KIRREL3: variants seen among roughly 807,000 people sequenced by gnomAD.
KIRREL3 encodes the protein kin of IRRE-like protein 3.
In KIRREL3, 36 loss-of-function variants were observed where a neutral mutation model predicts 89.7. That is an observed-to-expected ratio of 0.40 (90% CI 0.31 to 0.53). The LOEUF is 0.53. KIRREL3 is among the 20% of genes least tolerant of loss of function. KIRREL3 has a pLI of 0.49. For synonymous variants in KIRREL3, 445 were observed against 441.4 expected, an observed-to-expected ratio of 1.01 and a Z score of -0.10; for missense variants, 864 against 1,056.6, an observed-to-expected ratio of 0.82 and a Z score of 2.53.
rs937436918 is a variant in KIRREL3 at position 126,441,909 on chromosome 11, G to C, written c.1253-1360C>G. Among the ~76,000 whole-genome samples the C allele has an allele frequency of 2.6e-5, 4 of 152,162 alleles. No homozygotes were observed. Among genetic ancestry groups the C allele is most frequent in the Non-Finnish European group, 4.4e-5 (3 of 68,022 alleles). ...CAACAGGTCTAGGACCCAAAGAGAT[G>C]AGGAGATTGATGTTTTAGGAACCGG... On this transcript the variant is annotated intron_variant, in intron 10 of 16. Transcript: ENST00000525144. The surrounding 1 kb of genome is among the most constrained non-coding windows in gnomAD (Gnocchi z 5.0).
chr11:126,822,030 G>T (rs1565327079), intron 1 of KIRREL3, among the ~76,000 whole-genome samples: 1 of 152,166 alleles, frequency 6.6e-6, no homozygotes, highest in Non-Finnish European at 1.5e-5. Context: ...CCCATTTGTG[G>T]TGAGTTGTTA....
At chr11:126,517,757 G>A (rs773918353) in intron 4 of KIRREL3, among the ~76,000 whole-genome samples, 7 of 152,176 alleles carry the variant, frequency 4.6e-5, no homozygotes, top group Admixed American at 3.9e-4. Flanking sequence ...TTTTGGGAGC[G>A]AGACAGTTCT....
rs1337809325 is a variant in KIRREL3, at chr11:126,705,677, T to C, written c.56-142765A>G. On this transcript the variant is annotated intron_variant, in intron 1 of 16. Coordinates refer to ENST00000525144, the MANE Select transcript of KIRREL3 (RefSeq NM_032531.4). The surrounding 1 kb of genome is among the most constrained non-coding windows in gnomAD (Gnocchi z 4.3). The stretch of plus-strand genomic sequence containing the variant: ...CTACGTATGTGCAAGTGTATATGTA[T>C]ATGTAATGTATACCTATGTGTATGT... 2.0e-5 allele frequency among the ~76,000 whole-genome samples: 3 copies of C among 152,204 alleles called. No individual in the cohort carries two copies. The South Asian group carries it at 6.2e-4, about 32-fold the overall frequency.
rs1438468863 is a variant in KIRREL3 at position 126,575,038 on chromosome 11, G to A, written c.56-12126C>T. Among the ~76,000 whole-genome samples the A allele has an allele frequency of 6.6e-6, 1 of 152,182 alleles. No individual in the cohort carries two copies. On this transcript the variant is annotated intron_variant, in intron 1 of 16. Transcript: ENST00000525144. This position sits in a 1 kb window ranked among gnomAD's most constrained non-coding sequence, Gnocchi z 7.0. ...CAGGCTCTGTCAGTCCACAGAGGGTGGTTATGGCAATGTGGAGGAGGCCGG... is the reference window on the plus strand; with the variant it reads ...CAGGCTCTGTCAGTCCACAGAGGGTAGTTATGGCAATGTGGAGGAGGCCGG...
In KIRREL3 at chr11:126,883,226, T is replaced by C. The variant is rs181353924; in HGVS notation, c.55+117229A>G. 5.9e-5 allele frequency among the ~76,000 whole-genome samples: 9 copies of C among 152,270 alleles called. No individual in the cohort carries two copies. The highest frequency in any genetic ancestry group is 1.3e-4 in the Non-Finnish European group (9 of 68,008). On this transcript the variant is annotated intron_variant, in intron 1 of 16. Transcript: ENST00000525144. This position sits in a 1 kb window ranked among gnomAD's most constrained non-coding sequence, Gnocchi z 4.1. Reference sequence around the variant, plus strand: ...AGGATCATCATCTGCTATAGAGAGTTCTTGAGAAGCCAGGAATAGTTAAGA... The same window carrying C: ...AGGATCATCATCTGCTATAGAGAGTCCTTGAGAAGCCAGGAATAGTTAAGA...
intron 4 of KIRREL3, among the ~76,000 whole-genome samples, chr11:126,480,076 C>G (rs1957177796): frequency 6.6e-6 from 1 of 152,200 alleles, no homozygotes; most frequent in African/African-American, 2.4e-5. Context: ...TCCGGATCCC[C>G]ATCTCCCAGC....
At chr11:126,446,204 C>T (rs966620142) in intron 9 of KIRREL3, among the ~76,000 whole-genome samples, 1 of 151,164 alleles carries the variant, frequency 6.6e-6, no homozygotes, top group Admixed American at 6.6e-5. Flanking sequence ...AAGTCCAAGG[C>T]TAACGGTGGC....
intron 8 of KIRREL3, 21 bp downstream of exon 8, chr11:126,448,988 A>C (rs750414296): frequency 6.3e-7 from 1 of 1,586,334 alleles, no homozygotes; most frequent in South Asian, 1.1e-5. Context: ...CGCCTGGGGA[A>C]GCCTGCACCA....
intron 1 of KIRREL3, among the ~76,000 whole-genome samples, chr11:126,799,342 GTGTGTATCTCTGTGTGTATC>G (rs1950933296): frequency 7.3e-6 from 1 of 137,724 alleles, no homozygotes; most frequent in Admixed American, 7.3e-5. Context: ...GTGTGTGCAT[GTGTGTATCTCTGTGTGTATC>G]TGTGTATCTG....
intron 2 of KIRREL3, among the ~76,000 whole-genome samples, chr11:126,542,703 A>T (rs1938465202): frequency 6.6e-6 from 1 of 152,170 alleles, no homozygotes. Flanking sequence ...TTTTGCCTTT[A>T]AAGGACTTTT....
chr11:126,500,785 C>T (rs962147116), intron 4 of KIRREL3, among the ~76,000 whole-genome samples: 2 of 151,512 alleles, frequency 1.3e-5, no homozygotes, highest in African/African-American at 4.9e-5. Context: ...TATATATTTT[C>T]ACTGCATTCT....
chr11:126,678,805 G>A (rs1946320483), intron 1 of KIRREL3, among the ~76,000 whole-genome samples: 2 of 152,112 alleles, frequency 1.3e-5, no homozygotes, highest in African/African-American at 4.8e-5. Flanking sequence ...CACAGAGAGA[G>A]GATATCAGTG....
intron 1 of KIRREL3, among the ~76,000 whole-genome samples, chr11:126,756,882 T>G (rs1370616888): frequency 6.6e-6 from 1 of 152,218 alleles, no homozygotes; most frequent in East Asian, 1.9e-4. Flanking sequence ...TAAGCTGACT[T>G]GGGACAGAAG....
chr11:126,778,625 G>C lies in KIRREL3; in HGVS notation c.56-215713C>G, dbSNP rs535327266. 1.4e-3 allele frequency among the ~76,000 whole-genome samples: 210 copies of C among 152,258 alleles called. 1 individual carries two copies. The highest frequency in any genetic ancestry group is 0.013 in the South Asian group (63 of 4,822). Reference sequence around the variant, plus strand: ...TGAATTTCTAGAATAGAAACTGCTAGAAGAACACAAAAATGCATATGGTAC... The same window carrying C: ...TGAATTTCTAGAATAGAAACTGCTACAAGAACACAAAAATGCATATGGTAC... On this transcript the variant is annotated intron_variant, in intron 1 of 16. Transcript: ENST00000525144. The surrounding 1 kb of genome is among the most constrained non-coding windows in gnomAD (Gnocchi z 4.5).
chr11:126,807,927 G>A lies in KIRREL3; in HGVS notation c.55+192528C>T, dbSNP rs561442132. ...TGTGACTAATATGCCCAAGGCCATG[G>A]GCTGCAACCTTTTTATCTGTATCCC... On this transcript the variant is annotated intron_variant, in intron 1 of 16. Transcript: ENST00000525144. This position sits in a 1 kb window ranked among gnomAD's most constrained non-coding sequence, Gnocchi z 4.3. Among the ~76,000 whole-genome samples, 37 of 152,316 alleles carry A rather than the reference G, an allele frequency of 2.4e-4. No homozygotes were observed. The highest frequency in any genetic ancestry group is 3.4e-3 in the Middle Eastern group (1 of 294).
intron 12 of KIRREL3, 85 bp downstream of exon 12, chr11:126,436,726 C>A: frequency 6.8e-7 from 1 of 1,460,006 alleles, no homozygotes; most frequent in Non-Finnish European, 9.5e-7. Flanking sequence ...GCCCACCTTG[C>A]AGCCACCCGC....
rs1472283644 is a variant in KIRREL3 at position 126,909,158 on chromosome 11, T to C, written c.55+91297A>G. Among the ~76,000 whole-genome samples, 1 of 152,108 alleles carries C rather than the reference T, an allele frequency of 6.6e-6. No individual in the cohort carries two copies. Among genetic ancestry groups the C allele is most frequent in the African/African-American group, 2.4e-5 (1 of 41,412 alleles). ...AATCTGAATGACCACCATGAAGACATAGGTCACCATGAACATGAAGTGTGG... is the reference window on the plus strand; with the variant it reads ...AATCTGAATGACCACCATGAAGACACAGGTCACCATGAACATGAAGTGTGG... On this transcript the variant is annotated intron_variant, in intron 1 of 16. Coordinates refer to ENST00000525144, the MANE Select transcript of KIRREL3 (RefSeq NM_032531.4). The surrounding 1 kb of genome is among the most constrained non-coding windows in gnomAD (Gnocchi z 4.5).
intron 1 of KIRREL3, among the ~76,000 whole-genome samples, chr11:126,793,385 T>C (rs1044877182): frequency 1.3e-5 from 2 of 152,230 alleles, no homozygotes; most frequent in East Asian, 3.8e-4. Flanking sequence ...GGGTTACTTT[T>C]GTTCCTTCAA....
chr11:126,959,826 G>A (rs1270626336), intron 1 of KIRREL3, among the ~76,000 whole-genome samples: 1 of 152,128 alleles, frequency 6.6e-6, no homozygotes, highest in Admixed American at 6.5e-5. Context: ...GATGTGGACT[G>A]TGCCTCCAGG....
Sources: gnomAD v4.1 joint callset for allele counts (sites outside exome capture counted in the v4.1 genomes callset) on GRCh38, gnomAD v4.1.1 for gene constraint, Gnocchi (gnomAD v3.1) non-coding constraint, MANE v1.5 for transcripts, NCBI Gene and HGNC (gene_info 2026-07-23, HGNC 2026-07-21) for gene names.